USP46: variants seen among roughly 807,000 people sequenced by gnomAD.
USP46 encodes the protein ubiquitin carboxyl-terminal hydrolase 46.
USP46 carries 12 observed loss-of-function variants against 44.4 expected under a neutral mutation model. That is an observed-to-expected ratio of 0.27 (90% confidence interval 0.17 to 0.44). The LOEUF (loss-of-function observed/expected upper bound fraction) is 0.44, where lower values mean the gene tolerates loss of function less well. Among genes scored for constraint, USP46 ranks in the 20% least tolerant of loss-of-function variants. The pLI is 1.00. For synonymous variants in USP46, 155 were observed against 161.5 expected, an observed-to-expected ratio of 0.96 and a Z score of 0.31; for missense variants, 248 against 444.8, an observed-to-expected ratio of 0.56 and a Z score of 3.98.
intron 1 of USP46, among the ~76,000 whole-genome samples, chr4:52,636,897 C>T (rs1466376988): frequency 1.3e-5 from 2 of 151,510 alleles, no homozygotes; most frequent in Non-Finnish European, 2.9e-5. Flanking sequence ...GCAGCCTTGA[C>T]CTCCCAGGCT....
chr4:52,592,523 C>CT lies in USP46; in HGVS notation c.*5116dup, dbSNP rs1442831800. 1 of 186,116 alleles carries CT rather than the reference C, an allele frequency of 5.4e-6. No individual in the cohort carries two copies. The highest frequency in any genetic ancestry group is 1.1e-5 in the Non-Finnish European group (1 of 90,752). The allele number at this position is 186,116 out of a possible 1,614,324, so 11.5% of individuals were successfully genotyped here. A position where few individuals can be genotyped will look rare whatever the true frequency, so the allele number is the denominator to read the frequency against. On this transcript the variant is annotated 3_prime_UTR_variant, in exon 9 of 9. Coordinates refer to ENST00000441222, the MANE Select transcript of USP46 (RefSeq NM_022832.4). The stretch of plus-strand genomic sequence containing the variant: ...CCATCCCCCTAGTACTGCCTCATGA[C>CT]TGAGTTCTCACGAGATCTGGTTGTT...
chr4:52,654,313 C>T lies in USP46; in HGVS notation c.36+4802G>A, dbSNP rs1322131496. ...GCCAACTATCTTTGAGAATGGAAAG[C>T]ATGAATAACAGTAACAGAGGAAAAG... is the stretch of plus-strand genomic sequence containing the variant. On this transcript the variant is annotated intron_variant, in intron 1 of 8. Transcript: ENST00000441222. Among the ~76,000 whole-genome samples, 3 of 152,162 alleles carry T rather than the reference C, an allele frequency of 2.0e-5. No individual in the cohort carries two copies. In the East Asian group the frequency reaches 5.8e-4, roughly 29 times the overall value.
chr4:52,619,463 A>C (rs1027663988), intron 4 of USP46, among the ~76,000 whole-genome samples: 18 of 152,248 alleles, frequency 1.2e-4, no homozygotes, highest in Non-Finnish European at 4.4e-5. Context: ...TTAATCCTAC[A>C]GTGAGACTTC....
At chr4:52,637,635 C>A (rs761082186) in intron 1 of USP46, among the ~76,000 whole-genome samples, 2 of 152,158 alleles carry the variant, frequency 1.3e-5, no homozygotes, top group Non-Finnish European at 2.9e-5. Flanking sequence ...TTCTCTTTTA[C>A]TCTACTGCCA....
chr4:52,630,241 C>T (rs1444910378), intron 2 of USP46, among the ~76,000 whole-genome samples: 1 of 152,166 alleles, frequency 6.6e-6, no homozygotes, highest in East Asian at 1.9e-4. Flanking sequence ...AAGGAGGTTA[C>T]TGCTGAGTGC....
intron 1 of USP46, among the ~76,000 whole-genome samples, chr4:52,635,235 G>A (rs530322236): frequency 5.0e-4 from 76 of 152,226 alleles, no homozygotes; most frequent in Non-Finnish European, 8.4e-4. Context: ...GGATCCAGCT[G>A]CTCTTCTAAA....
chr4:52,632,990 A>AAAGAAAGAAAGAAAGAAAAG, intron 1 of USP46, among the ~76,000 whole-genome samples: 11 of 66,286 alleles, frequency 1.7e-4, no homozygotes, highest in African/African-American at 2.4e-4. Flanking sequence ...GAAAGAAAAG[A>AAAGAAAGAAAGAAAGAAAAG]AAAGAAAGAA....
At chr4:52,649,564 G>A (rs1300217111) in intron 1 of USP46, among the ~76,000 whole-genome samples, 7 of 152,174 alleles carry the variant, frequency 4.6e-5, no homozygotes, top group Non-Finnish European at 1.0e-4. Context: ...TGTTAGAAGT[G>A]CAAAATCTCC....
intron 1 of USP46, among the ~76,000 whole-genome samples, chr4:52,644,499 G>A (rs1186623837): frequency 3.9e-5 from 6 of 152,222 alleles, no homozygotes; most frequent in South Asian, 2.1e-4. Context: ...CTCTACCTCC[G>A]GTCAGATCAG....
rs1374614114 is a variant in USP46, at chr4:52,596,886, A to C, written c.*754T>G. 6.6e-6 allele frequency: 1 copy of C among 152,606 alleles called. No individual in the cohort carries two copies. The highest frequency in any genetic ancestry group is 1.5e-5 in the Non-Finnish European group (1 of 68,040). 9.5% of individuals were successfully genotyped at this position (152,606 alleles called of 1,614,324 possible). ...CACTGAAAATAAACAACATAGAGTT[A>C]TTTTCCTGAAACTTGGTTTTGGTAG... On this transcript the variant is annotated 3_prime_UTR_variant, in exon 9 of 9. Transcript: ENST00000441222.
rs949637057 is a variant in USP46 at position 52,656,489 on chromosome 4, C to A, written c.36+2626G>T. On this transcript the variant is annotated intron_variant, in intron 1 of 8. Transcript: ENST00000441222. ...GCGGGGTTAAGGATTCCCACTCCAG[C>A]CTTCCTATACATGGGAGGTGTTTAT... is the stretch of plus-strand genomic sequence containing the variant. 5.5e-6 allele frequency: 8 copies of A among 1,451,690 alleles called. 1 individual carries two copies. Among genetic ancestry groups the A allele is most frequent in the Middle Eastern group, 2.5e-4 (1 of 3,948 alleles). The allele number at this position is 1,451,690 out of a possible 1,614,324, so 89.9% of individuals were successfully genotyped here. A position where few individuals can be genotyped will look rare whatever the true frequency, so the allele number is the denominator to read the frequency against.
intron 1 of USP46, chr4:52,658,178 C>G: frequency 2.2e-6 from 1 of 455,122 alleles, no homozygotes; most frequent in South Asian, 1.6e-5. Flanking sequence ...TCTCACCCTG[C>G]AAGGGACAGC....
chr4:52,615,815 ATTAC>A (rs925802588), intron 4 of USP46, among the ~76,000 whole-genome samples: 51 of 152,350 alleles, frequency 3.3e-4, no homozygotes, highest in African/African-American at 1.2e-3. Flanking sequence ...AACTCAGCAA[ATTAC>A]TTAAAGAAAA....
chr4:52,658,185 C>T (rs1719025174), intron 1 of USP46: 1 of 454,370 alleles, frequency 2.2e-6, no homozygotes, highest in African/African-American at 2.0e-5. Flanking sequence ...CTGCAAGGGA[C>T]AGCAATGCCT....
Position 52,625,750 on chromosome 4 carries a change from ATCTG to A in USP46, c.561+264_561+267del, listed in dbSNP as rs34320176. The stretch of plus-strand genomic sequence containing the variant: ...GTTGACATCCAATTCAATAGATTAA[ATCTG>A]TAGACCCCAAAATTTCCCCATGGTG... On this transcript the variant is annotated intron_variant, in intron 4 of 8. Coordinates refer to ENST00000441222, the MANE Select transcript of USP46 (RefSeq NM_022832.4). Among the ~76,000 whole-genome samples the A allele has an allele frequency of 9.2e-3, 1,398 of 152,280 alleles. 15 individuals are homozygous for A. Among genetic ancestry groups the A allele is most frequent in the African/African-American group, 0.032 (1,327 of 41,552 alleles).
chr4:52,601,072 T>A (rs17051592), intron 7 of USP46, among the ~76,000 whole-genome samples: 1 of 152,182 alleles, frequency 6.6e-6, no homozygotes, highest in African/African-American at 2.4e-5. Flanking sequence ...CTCCTGGTAA[T>A]GGTGTATTCA....
chr4:52,605,221 G>A (rs994940811), intron 5 of USP46, among the ~76,000 whole-genome samples: 7 of 152,168 alleles, frequency 4.6e-5, no homozygotes, highest in East Asian at 3.8e-4. Context: ...CTCCCCCGCC[G>A]GAGGAGATGA....
chr4:52,629,610 T>C (rs924514601), intron 2 of USP46: 2 of 456,178 alleles, frequency 4.4e-6, no homozygotes, highest in Non-Finnish European at 8.8e-6. Context: ...CTTCCATTTT[T>C]TCCTCTCTTA....
Position 52,659,077 on chromosome 4 carries a change from C to T in USP46, c.36+38G>A, listed in dbSNP as rs1307653035. ...GGGCTTCCCTTTCTTTGCCTCGCCGCGAGTCGGGCGCGACCCCGAGGCGGC... is the reference window on the plus strand; with the variant it reads ...GGGCTTCCCTTTCTTTGCCTCGCCGTGAGTCGGGCGCGACCCCGAGGCGGC... On this transcript the variant is annotated intron_variant, in intron 1 of 8. Coordinates refer to ENST00000441222, the MANE Select transcript of USP46 (RefSeq NM_022832.4). The surrounding 1 kb of genome is among the most constrained non-coding windows in gnomAD (Gnocchi z 4.2). 6.5e-7 allele frequency: 1 copy of T among 1,544,276 alleles called. No individual in the cohort carries two copies. Among genetic ancestry groups the T allele is most frequent in the East Asian group, 2.6e-5 (1 of 37,918 alleles).
Sources: allele counts gnomAD v4.1 joint callset (sites outside exome capture counted in the v4.1 genomes callset), GRCh38; gene constraint gnomAD v4.1.1; non-coding constraint Gnocchi (gnomAD v3.1); transcripts MANE v1.5; gene names NCBI Gene and HGNC (gene_info 2026-07-23, HGNC 2026-07-21).